The following CSE1L variants were observed in gnomAD, a reference collection of about 807,000 sequenced individuals.
CSE1L encodes the protein chromosome segregation 1 like, also known as exportin-2.
CSE1L carries 24 observed loss-of-function variants against 120.4 expected under a neutral mutation model. The observed-to-expected ratio is 0.20, with a 90% confidence interval of 0.14 to 0.28. The LOEUF (loss-of-function observed/expected upper bound fraction) is 0.28, where lower values mean the gene tolerates loss of function less well. Ranked by LOEUF, CSE1L falls within the 10% of genes least tolerant of loss-of-function variation. The pLI is 1.00. For missense variants in CSE1L, 830 were observed against 1,145.2 expected (o/e 0.72, Z 3.97); for synonymous variants, 402 against 398.3 (o/e 1.01, Z -0.11).
chr20:49,067,145 A>G lies in CSE1L; in HGVS notation c.477-45A>G, dbSNP rs774465395. ...CTCCTTGAAGACCTAAAGTGAGTAA[A>G]TAAAAAAAACTTGTAAATTTATCTG... is the stretch of plus-strand genomic sequence containing the variant. On this transcript the variant is annotated intron_variant, in intron 5 of 24. Coordinates refer to ENST00000262982, the MANE Select transcript of CSE1L (RefSeq NM_001316.4). 8.1e-5 allele frequency: 106 copies of G among 1,303,244 alleles called. 7 individuals carry two copies. The South Asian group carries it at 1.2e-3, about 15-fold the overall frequency. 80.7% of individuals were successfully genotyped at this position (1,303,244 alleles called of 1,614,324 possible).
At position 49,092,106 on chromosome 20, in the gene CSE1L, T is replaced by G; in HGVS notation, c.2426T>G (p.Ile809Arg). The G allele has an allele frequency of 6.4e-7, 1 of 1,567,856 alleles. No individual in the cohort carries two copies. The highest frequency in any genetic ancestry group is 8.7e-7 in the Non-Finnish European group (1 of 1,146,828). Residue 809 changes from isoleucine (I) to arginine (R), a missense_variant, in exon 22 of 25, where the codon ATA (isoleucine) becomes AGA (arginine). Physicochemically the swap from Ile to Arg is moderately conservative, Grantham distance 97 (BLOSUM62 -3). This residue lies in a region of CSE1L where 112 missense variants were observed against 200.0 expected (regional missense o/e 0.56). Coordinates refer to ENST00000262982, the MANE Select transcript of CSE1L (RefSeq NM_001316.4). ...TATGGGGCACTAGCACTACAAGAAA[T>G]ATTTGATGGTATACAACCAAAGTAA... ...IKYGALALQE[I>R]FDGIQPKMFG...
chr20:49,082,763 C>T (rs995732680), intron 14 of CSE1L, among the ~76,000 whole-genome samples: 1 of 151,872 alleles, frequency 6.6e-6, no homozygotes, highest in Non-Finnish European at 1.5e-5. Flanking sequence ...CGTTGTGATC[C>T]GCCCGCCTTG....
At chr20:49,094,339 C>G in intron 23 of CSE1L, 53 bp downstream of exon 23, 1 of 1,535,488 alleles carries the variant, frequency 6.5e-7, no homozygotes, top group Non-Finnish European at 8.9e-7. Flanking sequence ...TCCCATATGA[C>G]TGCAAAATTA....
At chr20:49,074,306 A>G (rs1344020536) in intron 10 of CSE1L, among the ~76,000 whole-genome samples, 5 of 151,104 alleles carry the variant, frequency 3.3e-5, no homozygotes, top group Non-Finnish European at 5.9e-5. Context: ...TCCTGGGCTC[A>G]AGCGATCCTC....
At chr20:49,062,881 A>G (rs2091862805) in intron 2 of CSE1L, among the ~76,000 whole-genome samples, 1 of 151,956 alleles carries the variant, frequency 6.6e-6, no homozygotes, top group Admixed American at 6.6e-5. Flanking sequence ...AGACCTGGGT[A>G]TATGAAGTCT....
At position 49,063,359 on chromosome 20, in the gene CSE1L, A is replaced by G. The variant is rs756643059; in HGVS notation, c.228+15A>G. ...ACTGGAGAATTGTAAGTATTTTGTGAATACATAATTTAATACCCTGTATGT... is the reference window on the plus strand; with the variant it reads ...ACTGGAGAATTGTAAGTATTTTGTGGATACATAATTTAATACCCTGTATGT... On this transcript the variant is annotated intron_variant, in intron 3 of 24. Transcript: ENST00000262982. 2 of 1,425,598 alleles carry G rather than the reference A, an allele frequency of 1.4e-6. No individual in the cohort carries two copies. Among genetic ancestry groups the G allele is most frequent in the South Asian group, 2.6e-5 (2 of 76,224 alleles). 88.3% of individuals were successfully genotyped at this position (1,425,598 alleles called of 1,614,324 possible). A position where few individuals can be genotyped will look rare whatever the true frequency, so the allele number is the denominator to read the frequency against.
At chr20:49,051,870 A>G (rs1265571732) in intron 1 of CSE1L, among the ~76,000 whole-genome samples, 2 of 152,034 alleles carry the variant, frequency 1.3e-5, no homozygotes, top group Non-Finnish European at 2.9e-5. Context: ...GCTAATTTTT[A>G]TTTATTGTAG....
At chr20:49,096,008 T>C (rs565226704) in intron 24 of CSE1L, among the ~76,000 whole-genome samples, 2 of 152,264 alleles carry the variant, frequency 1.3e-5, no homozygotes, top group South Asian at 4.1e-4. Flanking sequence ...ATCTTGCCAG[T>C]TTTGTTTCGT....
rs767137379 is a variant in CSE1L at position 49,096,746 on chromosome 20, G to A, written c.*308G>A. The A allele has an allele frequency of 2.0e-5, 6 of 298,448 alleles. No individual in the cohort carries two copies. The highest frequency in any genetic ancestry group is 9.8e-4 in the Middle Eastern group (1 of 1,024). 18.5% of individuals were successfully genotyped at this position (298,448 alleles called of 1,614,324 possible). On this transcript the variant is annotated 3_prime_UTR_variant, in exon 25 of 25. Coordinates refer to ENST00000262982, the MANE Select transcript of CSE1L (RefSeq NM_001316.4). ...AATCTTAAATTTTGACGGACACTGT[G>A]GAGACTTTCTGTTACTAAATCCTTT...
At chr20:49,053,171 T>TA (rs1351912358) in intron 1 of CSE1L, among the ~76,000 whole-genome samples, 69 of 129,580 alleles carry the variant, frequency 5.3e-4, no homozygotes, top group South Asian at 7.7e-4. Flanking sequence ...TTTTTTTTTT[T>TA]AAAGACAAAA....
chr20:49,094,774 C>T lies in CSE1L; in HGVS notation c.2637C>T (p.Pro879=), dbSNP rs892503381. Residue 879 remains proline, a synonymous_variant, in exon 24 of 25, where the codon CCC becomes CCT. Transcript: ENST00000262982. Reference sequence around the variant, plus strand: ...CTTTGATTGGTCTTTTTGAGTTACCCGAAGATGATACCATTCCTGATGAGG... The same window carrying T: ...CTTTGATTGGTCTTTTTGAGTTACCTGAAGATGATACCATTCCTGATGAGG... ...LQSLIGLFEL[P]EDDTIPDEEH... The T allele has an allele frequency of 5.6e-6, 9 of 1,613,786 alleles. No homozygotes were observed. The highest frequency in any genetic ancestry group is 6.8e-6 in the Non-Finnish European group (8 of 1,179,886).
intron 1 of CSE1L, among the ~76,000 whole-genome samples, chr20:49,050,600 G>A (rs570997818): frequency 1.3e-5 from 2 of 150,762 alleles, no homozygotes; most frequent in African/African-American, 4.9e-5. Context: ...TAGTAGAGAC[G>A]GGGTTTCATC....
chr20:49,058,653 T>C, intron 2 of CSE1L, 105 bp downstream of exon 2: 1 of 832,074 alleles, frequency 1.2e-6, no homozygotes, highest in Non-Finnish European at 1.9e-6. Context: ...AAATTCATAC[T>C]TGGGTTCTCA....
At chr20:49,068,175 A>G (rs1191987630) in intron 6 of CSE1L, among the ~76,000 whole-genome samples, 1 of 152,186 alleles carries the variant, frequency 6.6e-6, no homozygotes, top group African/African-American at 2.4e-5. Context: ...ATTTTTATAT[A>G]TGCACAGATT....
intron 13 of CSE1L, among the ~76,000 whole-genome samples, 191 bp from the exon 14 acceptor site, chr20:49,078,370 C>G (rs541652915): frequency 6.6e-6 from 1 of 152,292 alleles, no homozygotes; most frequent in Admixed American, 6.5e-5. Context: ...AGTCATGAAA[C>G]AGGCATGGGG....
In CSE1L at chr20:49,096,659, G is replaced by A; in HGVS notation, c.*221G>A. On this transcript the variant is annotated 3_prime_UTR_variant, in exon 25 of 25. Coordinates refer to ENST00000262982, the MANE Select transcript of CSE1L (RefSeq NM_001316.4). ...TGGCTTCTAGTTTGCAACTTCAAGG[G>A]ACAAGTATTAATAGTTCAGTGTATG... 1 of 580,908 alleles carries A rather than the reference G, an allele frequency of 1.7e-6. No homozygotes were observed. Among genetic ancestry groups the A allele is most frequent in the Non-Finnish European group, 3.1e-6 (1 of 326,302 alleles). The allele number at this position is 580,908 out of a possible 1,614,324, so 36.0% of individuals were successfully genotyped here.
chr20:49,056,614 T>C (rs750533330), intron 1 of CSE1L, among the ~76,000 whole-genome samples: 1 of 152,188 alleles, frequency 6.6e-6, no homozygotes, highest in Non-Finnish European at 1.5e-5. Flanking sequence ...GCTCAATTGA[T>C]AAGATTCCCA....
chr20:49,066,057 G>A (rs2091889881), intron 3 of CSE1L, 135 bp from the exon 4 acceptor site: 1 of 713,930 alleles, frequency 1.4e-6, no homozygotes. Flanking sequence ...GAGGGAAACT[G>A]AAGAAAGACC....
Position 49,089,705 on chromosome 20 carries a change from C to A in CSE1L, c.2140C>A (p.Arg714Ser). 1 of 1,614,120 alleles carries A rather than the reference C, an allele frequency of 6.2e-7. No homozygotes were observed. The highest frequency in any genetic ancestry group is 8.5e-7 in the Non-Finnish European group (1 of 1,180,020). The change falls in exon 19 of 25, where the codon CGC becomes AGC. Residue 714 changes from arginine to serine, a missense_variant. Arg to Ser is a moderately radical substitution (Grantham distance 110, BLOSUM62 -1). This residue lies in a region of CSE1L where 168 missense variants were observed against 267.9 expected (regional missense o/e 0.63). Transcript: ENST00000262982. ...LVRLLQAFLE[R>S]GSNTIASAAA... ...GAGGCTTCTTCAAGCATTCTTAGAA[C>A]GCGGTTCAAACACAATAGCAAGTGC...
Sources: allele counts gnomAD v4.1 joint callset (sites outside exome capture counted in the v4.1 genomes callset), GRCh38; gene constraint gnomAD v4.1.1; regional missense constraint gnomAD v4.1.1; transcripts MANE v1.5; gene names NCBI Gene and HGNC (gene_info 2026-07-23, HGNC 2026-07-21).